Variants in XKR9 observed in about 807,000 individuals in gnomAD.
XKR9 encodes the protein XK related 9, also known as XK-related protein 9.
A neutral mutation model predicts 32.0 loss-of-function variants in XKR9; 32 were observed. That is an observed-to-expected ratio of 1.00 (90% CI 0.76 to 1.34). The LOEUF is 1.34. Among genes scored for constraint, XKR9 ranks in the 40% most tolerant of loss-of-function variants. The pLI, the probability that XKR9 is intolerant of heterozygous loss-of-function variation, is 0.00. For missense variants in XKR9, 546 were observed against 429.7 expected, an observed-to-expected ratio of 1.27 and a Z score of -2.39; for synonymous variants, 168 against 143.4, an observed-to-expected ratio of 1.17 and a Z score of -1.22.
At chr8:70,992,547 T>G in the XKR9 span, among the ~76,000 whole-genome samples, 1 of 152,224 alleles carries the variant, frequency 6.6e-6, no homozygotes, top group Non-Finnish European at 1.5e-5. Flanking sequence ...TACTCTGCTT[T>G]GCCTGGCTTT....
the XKR9 span, among the ~76,000 whole-genome samples, chr8:71,008,422 A>G: frequency 6.6e-6 from 1 of 152,136 alleles, no homozygotes; most frequent in South Asian, 2.1e-4. Context: ...GGCAGCTATA[A>G]GTTTGCTGTC....
the XKR9 span, among the ~76,000 whole-genome samples, chr8:71,031,961 C>T: frequency 2.0e-5 from 3 of 152,114 alleles, no homozygotes; most frequent in Non-Finnish European, 4.4e-5. Context: ...TTTCTCATGA[C>T]CACAATACCT....
the XKR9 span, among the ~76,000 whole-genome samples, chr8:71,029,934 T>A: frequency 6.6e-6 from 1 of 151,928 alleles, no homozygotes; most frequent in Non-Finnish European, 1.5e-5. Context: ...TGCAACCTCA[T>A]AGTAGAGTGA....
At chr8:70,944,464 G>A in the XKR9 span, among the ~76,000 whole-genome samples, 1 of 152,204 alleles carries the variant, frequency 6.6e-6, no homozygotes, top group Non-Finnish European at 1.5e-5. Flanking sequence ...AGAAAGAGGA[G>A]TACATGAGAG....
chr8:70,799,484 C>A, the XKR9 span, among the ~76,000 whole-genome samples: 1 of 152,078 alleles, frequency 6.6e-6, no homozygotes, highest in Admixed American at 6.6e-5. Flanking sequence ...GTGCGTGCCA[C>A]CATGCCCAGC....
At chr8:70,737,060 G>A (rs1586875623), downstream of XKR9, among the ~76,000 whole-genome samples, 3 of 151,774 alleles carry the variant, frequency 2.0e-5, no homozygotes, top group African/African-American at 7.2e-5. Flanking sequence ...ACCTTCGGCA[G>A]TATGGCCATT....
chr8:70,719,705 A>G (rs1034212849), intron 4 of XKR9, among the ~76,000 whole-genome samples: 1 of 152,040 alleles, frequency 6.6e-6, no homozygotes, highest in African/African-American at 2.4e-5. Flanking sequence ...GCCTTGTAGT[A>G]TAGTTTGAAG....
chr8:70,798,018 G>T, the XKR9 span, among the ~76,000 whole-genome samples: 1 of 152,120 alleles, frequency 6.6e-6, no homozygotes, highest in Non-Finnish European at 1.5e-5. Context: ...GAACATATAA[G>T]TGCATGTGTC....
At chr8:70,921,607 T>A in the XKR9 span, among the ~76,000 whole-genome samples, 1 of 152,248 alleles carries the variant, frequency 6.6e-6, no homozygotes, top group South Asian at 2.1e-4. Context: ...TCAGTTGAAT[T>A]CTTTACACAA....
the XKR9 span, among the ~76,000 whole-genome samples, chr8:70,846,440 A>T: frequency 6.6e-6 from 1 of 152,144 alleles, no homozygotes; most frequent in Non-Finnish European, 1.5e-5. Flanking sequence ...TCACCAAATC[A>T]TAATGGTAAA....
the XKR9 span, among the ~76,000 whole-genome samples, chr8:70,874,781 A>T: frequency 6.6e-6 from 1 of 152,090 alleles, no homozygotes; most frequent in Non-Finnish European, 1.5e-5. Flanking sequence ...TATTCTCTTT[A>T]TTGGCTTTAT....
chr8:70,885,118 T>C, the XKR9 span, among the ~76,000 whole-genome samples: 4 of 152,148 alleles, frequency 2.6e-5, no homozygotes, highest in African/African-American at 9.7e-5. Context: ...CCTAATTATT[T>C]CATTTTCTGG....
chr8:70,738,448 G>GT (rs1563461955), downstream of XKR9, among the ~76,000 whole-genome samples: 2 of 148,856 alleles, frequency 1.3e-5, no homozygotes, highest in South Asian at 2.1e-4. Context: ...TTTTTGAAGG[G>GT]TTTTTTGTGT....
chr8:70,885,285 A>T, the XKR9 span, among the ~76,000 whole-genome samples: 721 of 152,250 alleles, frequency 4.7e-3, 3 homozygotes, highest in Non-Finnish European at 8.1e-3. Flanking sequence ...ATTCTATTGT[A>T]TGGATAATAT....
chr8:70,703,738 A>C (rs1805621102), intron 3 of XKR9, among the ~76,000 whole-genome samples: 1 of 152,208 alleles, frequency 6.6e-6, no homozygotes, highest in African/African-American at 2.4e-5. Flanking sequence ...TAGGGGAATC[A>C]GCCTGATATG....
chr8:70,779,514 G>A (rs939245653), intron 2 of XKR9, among the ~76,000 whole-genome samples: 1 of 152,160 alleles, frequency 6.6e-6, no homozygotes, highest in Non-Finnish European at 1.5e-5. Context: ...GTTTGGAATA[G>A]TTTCGGAAGG....
chr8:71,052,324 A>G, the XKR9 span, among the ~76,000 whole-genome samples: 1 of 152,192 alleles, frequency 6.6e-6, no homozygotes, highest in Non-Finnish European at 1.5e-5. Flanking sequence ...CTGTCCTTCA[A>G]CTGAGTTGGG....
At chr8:70,950,087 T>C in the XKR9 span, among the ~76,000 whole-genome samples, 7 of 152,100 alleles carry the variant, frequency 4.6e-5, no homozygotes, top group African/African-American at 1.4e-4. Context: ...ACCAGCTGAG[T>C]TGAGTCCTAA....
Position 70,715,511 on chromosome 8 carries a change from G to T in XKR9, c.493+8358G>T, listed in dbSNP as rs547671982. Among the ~76,000 whole-genome samples the T allele has an allele frequency of 4.6e-5, 7 of 152,134 alleles. No homozygotes were observed. In the East Asian group the frequency reaches 1.4e-3, roughly 29 times the overall value. The stretch of plus-strand genomic sequence containing the variant: ...TCGTATTGATATATTAATCTTTGAG[G>T]TAACAATATTGATTAGCCTTAAACT... On this transcript the variant is annotated intron_variant, in intron 4 of 4. Transcript: ENST00000408926.
Sources: gnomAD v4.1 joint callset for allele counts (sites outside exome capture counted in the v4.1 genomes callset) on GRCh38, gnomAD v4.1.1 for gene constraint, MANE v1.5 for transcripts, NCBI Gene and HGNC (gene_info 2026-07-23, HGNC 2026-07-21) for gene names.